The following ITGA8 variants were observed in gnomAD, a reference collection of about 807,000 sequenced individuals.
The protein encoded by ITGA8 is integrin subunit alpha 8.
ITGA8 carries 91 observed loss-of-function variants against 142.3 expected under a neutral mutation model. The observed-to-expected ratio is 0.64, with a 90% confidence interval of 0.54 to 0.76. The LOEUF is 0.76. Ranked by LOEUF, ITGA8 falls within the 30% of genes least tolerant of loss-of-function variation. ITGA8 has a pLI of 0.00. For missense variants in ITGA8, 1,406 were observed against 1,327.7 expected, an observed-to-expected ratio of 1.06 and a Z score of -0.92; for synonymous variants, 505 against 485.2, an observed-to-expected ratio of 1.04 and a Z score of -0.54.
chr10:15,535,219 C>T (rs539376657), intron 27 of ITGA8, among the ~76,000 whole-genome samples: 8 of 152,258 alleles, frequency 5.3e-5, no homozygotes, highest in African/African-American at 9.6e-5. Flanking sequence ...AGCCTCCCCC[C>T]ACCCTCCGTG....
chr10:15,688,793 C>G (rs1190276454), intron 2 of ITGA8, among the ~76,000 whole-genome samples: 1 of 152,116 alleles, frequency 6.6e-6, no homozygotes. Context: ...TGACAAAATT[C>G]AATTTACTTT....
intron 27 of ITGA8, among the ~76,000 whole-genome samples, chr10:15,545,991 C>G (rs12411617): frequency 6.6e-6 from 1 of 152,178 alleles, no homozygotes; most frequent in Non-Finnish European, 1.5e-5. Flanking sequence ...ACACACTGGT[C>G]TCCATTTGTT....
chr10:15,591,938 G>A (rs1292731665), intron 22 of ITGA8, among the ~76,000 whole-genome samples: 2 of 152,200 alleles, frequency 1.3e-5, no homozygotes, highest in Admixed American at 1.3e-4. Context: ...AAAGACATGT[G>A]CTTTGGAATG....
intron 27 of ITGA8, among the ~76,000 whole-genome samples, chr10:15,539,061 T>C (rs1833515952): frequency 6.6e-6 from 1 of 151,694 alleles, no homozygotes; most frequent in Admixed American, 6.6e-5. Context: ...CTGGAAGATA[T>C]GTTGTATGCA....
At chr10:15,684,212 CTG>C (rs1364850645) in intron 3 of ITGA8, 85 bp from the exon 4 acceptor site, 6 of 1,405,030 alleles carry the variant, frequency 4.3e-6, no homozygotes, top group Admixed American at 2.3e-5. Context: ...GTATAACAAA[CTG>C]TTAAATTATT....
intron 13 of ITGA8, among the ~76,000 whole-genome samples, chr10:15,639,566 C>T (rs1245813496): frequency 2.0e-5 from 3 of 152,224 alleles, no homozygotes; most frequent in African/African-American, 7.2e-5. Flanking sequence ...TGAAGGCCAG[C>T]AGTAAGGGCC....
chr10:15,634,167 A>G (rs757060996), intron 13 of ITGA8, among the ~76,000 whole-genome samples: 5 of 152,040 alleles, frequency 3.3e-5, no homozygotes, highest in Non-Finnish European at 7.4e-5. Flanking sequence ...CTCTCTTTTT[A>G]ACTGTTTCAT....
At chr10:15,592,105 G>T in intron 22 of ITGA8, 120 bp downstream of exon 22, 1 of 596,992 alleles carries the variant, frequency 1.7e-6, no homozygotes, top group African/African-American at 1.9e-5. Flanking sequence ...GGCTGTGAAA[G>T]TCTGGGTTCT....
intron 1 of ITGA8, 37 bp downstream of exon 1, chr10:15,719,526 C>A (rs777016390): frequency 1.3e-6 from 2 of 1,499,828 alleles, no homozygotes; most frequent in Middle Eastern, 1.8e-4. Flanking sequence ...GGAGCGCCTT[C>A]GTCCCCGCGC....
intron 21 of ITGA8, among the ~76,000 whole-genome samples, chr10:15,595,400 T>C (rs1375623388): frequency 1.3e-5 from 2 of 152,130 alleles, no homozygotes; most frequent in African/African-American, 4.8e-5. Context: ...TGCAATAAAA[T>C]TTGATGTGTT....
intron 26 of ITGA8, among the ~76,000 whole-genome samples, chr10:15,550,235 T>C (rs1390228755): frequency 1.3e-5 from 2 of 152,174 alleles, no homozygotes; most frequent in Non-Finnish European, 2.9e-5. Flanking sequence ...TCCCTAGCCA[T>C]GTGGAATCGT....
chr10:15,649,313 T>A (rs1787615844), intron 11 of ITGA8, among the ~76,000 whole-genome samples: 1 of 151,882 alleles, frequency 6.6e-6, no homozygotes, highest in Admixed American at 6.6e-5. Flanking sequence ...GTACATGATA[T>A]ACAATAAGAA....
At position 15,708,855 on chromosome 10, in the gene ITGA8, C is replaced by T. The variant is rs534401536; in HGVS notation, c.343+9911G>A. On this transcript the variant is annotated intron_variant, in intron 2 of 29. Coordinates refer to ENST00000378076, the MANE Select transcript of ITGA8 (RefSeq NM_003638.3). ...TCCAATTAGGGTGATCTCAGACACC[C>T]GTGCCAATAAGGAGTCTCCATGAAG... Among the ~76,000 whole-genome samples the T allele has an allele frequency of 2.0e-3, 301 of 152,234 alleles. 1 individual carries two copies. Among genetic ancestry groups the T allele is most frequent in the African/African-American group, 6.7e-3 (277 of 41,556 alleles).
At chr10:15,667,900 C>A (rs1165062377) in intron 8 of ITGA8, among the ~76,000 whole-genome samples, 2 of 152,138 alleles carry the variant, frequency 1.3e-5, no homozygotes, top group African/African-American at 4.8e-5. Flanking sequence ...GTTATAATTT[C>A]TGTTCTTTTA....
intron 8 of ITGA8, among the ~76,000 whole-genome samples, chr10:15,668,997 T>C (rs887228953): frequency 5.3e-5 from 8 of 152,228 alleles, no homozygotes; most frequent in African/African-American, 1.9e-4. Context: ...ATTATGTGTC[T>C]TGGAGTTACT....
intron 2 of ITGA8, among the ~76,000 whole-genome samples, chr10:15,716,667 T>C (rs1292231428): frequency 2.8e-5 from 3 of 106,392 alleles, no homozygotes; most frequent in Non-Finnish European, 5.4e-5. Context: ...TATAACCTAT[T>C]GTATTTTTTT....
At position 15,558,106 on chromosome 10, in the gene ITGA8, C is replaced by T. The variant is rs138187704; in HGVS notation, c.2734G>A (p.Glu912Lys). The T allele has an allele frequency of 2.2e-5, 36 of 1,613,994 alleles. No homozygotes were observed. Among genetic ancestry groups the T allele is most frequent in the South Asian group, 1.9e-4 (17 of 91,086 alleles). Reference protein sequence around the residue: ...LVRKRDVHVVEFHRQSPAKIL... With the variant: ...LVRKRDVHVVKFHRQSPAKIL... ...TTTGCAGGGCTCTGTCTGTGGAATT[C>T]GACCACATGTACATCCCTCTTCCTG... The change falls in exon 26 of 30, where the codon GAA becomes AAA. Residue 912 changes from glutamate (E) to lysine (K), a missense_variant. Glu to Lys is a moderately conservative substitution (Grantham distance 56). Coordinates refer to ENST00000378076, the MANE Select transcript of ITGA8 (RefSeq NM_003638.3).
intron 5 of ITGA8, among the ~76,000 whole-genome samples, 179 bp from the exon 6 acceptor site, chr10:15,677,816 A>C (rs982160277): frequency 6.6e-6 from 1 of 152,146 alleles, no homozygotes; most frequent in African/African-American, 2.4e-5. Context: ...TTTGTTTTCA[A>C]TTATTTAGTG....
chr10:15,533,665 TG>T (rs1266127829), intron 27 of ITGA8, among the ~76,000 whole-genome samples: 3 of 152,180 alleles, frequency 2.0e-5, no homozygotes, highest in Non-Finnish European at 4.4e-5. Flanking sequence ...GTCATGTCTT[TG>T]ATAAATAGTT....
Sources: gnomAD v4.1 joint callset for allele counts (sites outside exome capture counted in the v4.1 genomes callset) on GRCh38, gnomAD v4.1.1 for gene constraint, MANE v1.5 for transcripts, NCBI Gene and HGNC (gene_info 2026-07-23, HGNC 2026-07-21) for gene names.